CABP2: variants seen among roughly 807,000 people sequenced by gnomAD.
CABP2 encodes the protein calcium-binding protein 2.
In CABP2, 25 loss-of-function variants were observed where a neutral mutation model predicts 28.6. That is an observed-to-expected ratio of 0.87 (90% CI 0.64 to 1.22). CABP2 has a LOEUF of 1.22. CABP2 is among the 50% of genes most tolerant of loss of function. The probability of loss-of-function intolerance (pLI) is 0.00; values close to 1 mark genes in which losing one functional copy is unlikely to be tolerated. For missense variants in CABP2, 310 were observed against 312.2 expected, an observed-to-expected ratio of 0.99 and a Z score of 0.05; for synonymous variants, 138 against 126.0, an observed-to-expected ratio of 1.09 and a Z score of -0.64.
At chr11:67,523,108 C>T (rs1005585326) in intron 1 of CABP2, among the ~76,000 whole-genome samples, 177 bp downstream of exon 1, 7 of 152,070 alleles carry the variant, frequency 4.6e-5, no homozygotes, top group African/African-American at 1.4e-4. Flanking sequence ...ACCCAGAGGT[C>T]GGTGGGAGCC....
intron 4 of CABP2, 92 bp downstream of exon 4, chr11:67,520,933 T>C: frequency 2.2e-6 from 3 of 1,344,626 alleles, no homozygotes; most frequent in Non-Finnish European, 3.1e-6. Context: ...GGACAGCCTG[T>C]GCAGTCACCT....
At chr11:67,519,578 T>A (rs1866710666) in intron 6 of CABP2, among the ~76,000 whole-genome samples, 1 of 152,236 alleles carries the variant, frequency 6.6e-6, no homozygotes, top group Non-Finnish European at 1.5e-5. Flanking sequence ...ACTTGCTTTT[T>A]TGCTAAGTGC....
intron 4 of CABP2, 51 bp downstream of exon 4, chr11:67,520,974 C>T: frequency 6.3e-7 from 1 of 1,591,928 alleles, no homozygotes; most frequent in Non-Finnish European, 8.6e-7. Flanking sequence ...TTCATGGGCC[C>T]AGCGGGGGCA....
chr11:67,522,639 G>C lies in CABP2; in HGVS notation c.120C>G (p.Asp40Glu). ...AGTAGCCCTGGACGCCTGGCGCGGG[G>C]TCCCCCTGCTCCTTGGGGCTGGAGC... ...SPSSSPKEQG[D>E]PAPGVQGYSV... Residue 40 changes from aspartate to glutamate, a missense_variant, in exon 2 of 7, where the codon GAC (aspartate) becomes GAG (glutamate). Transcript: ENST00000294288. The C allele has an allele frequency of 1.3e-6, 2 of 1,547,348 alleles. No individual in the cohort carries two copies. Among genetic ancestry groups the C allele is most frequent in the Non-Finnish European group, 1.7e-6 (2 of 1,145,256 alleles).
chr11:67,522,431 G>T, intron 2 of CABP2, 115 bp downstream of exon 2: 2 of 1,093,384 alleles, frequency 1.8e-6, no homozygotes, highest in Non-Finnish European at 2.7e-6. Flanking sequence ...CTAGCTCCAG[G>T]AGAGGCAAAG....
At chr11:67,522,011 C>T (rs763287401) in intron 2 of CABP2, 29 bp from the exon 3 acceptor site, 94 of 1,605,446 alleles carry the variant, frequency 5.9e-5, no homozygotes, top group Non-Finnish European at 7.8e-5. Flanking sequence ...TTAGGAATTC[C>T]CTGCTCCTAC....
Position 67,519,793 on chromosome 11 carries a change from C to A in CABP2, c.637G>T (p.Glu213Ter). Residue 213 changes from glutamate (E) to a stop codon, truncating the protein, a stop_gained and splice_region_variant, in exon 6 of 7, where the codon GAG becomes TAG. Transcript: ENST00000294288. LOFTEE classifies it high-confidence loss of function. ...LNGDGLVDFE[E>*]FVRMMSR ...TGTTGCTATGTGCGGCAGGGGGTAC[C>A]TTCGAAGTCGACCAGACCGTCCCCA... 3 of 1,613,780 alleles carry A rather than the reference C, an allele frequency of 1.9e-6. No homozygotes were observed. The highest frequency in any genetic ancestry group is 2.5e-6 in the Non-Finnish European group (3 of 1,179,760).
intron 3 of CABP2, among the ~76,000 whole-genome samples, chr11:67,521,556 A>G (rs1866747836): frequency 6.6e-6 from 1 of 152,104 alleles, no homozygotes; most frequent in Admixed American, 6.5e-5. Flanking sequence ...TGGAGAGCAC[A>G]TGCACCATTT....
At chr11:67,520,886 A>C (rs1866737049) in intron 4 of CABP2, 139 bp downstream of exon 4, 2 of 870,238 alleles carry the variant, frequency 2.3e-6, no homozygotes, top group Admixed American at 4.4e-5. Flanking sequence ...AGAGGCAGAG[A>C]GCTTGCCTTG....
At position 67,519,792 on chromosome 11, in the gene CABP2, C is replaced by A. The variant is rs149712664; in HGVS notation, c.637+1G>T. On this transcript the variant is annotated splice_donor_variant, in intron 6 of 6. Transcript: ENST00000294288. LOFTEE classifies it high-confidence loss of function. ...GTGTTGCTATGTGCGGCAGGGGGTA[C>A]CTTCGAAGTCGACCAGACCGTCCCC... 1,616 of 1,613,532 alleles carry A rather than the reference C, an allele frequency of 1.0e-3. 2 individuals carry two copies. The highest frequency in any genetic ancestry group is 1.4e-3 in the South Asian group (124 of 91,068).
At chr11:67,520,188 G>A (rs772881310) in intron 4 of CABP2, 28 bp from the exon 5 acceptor site, 26 of 1,478,444 alleles carry the variant, frequency 1.8e-5, no homozygotes, top group Middle Eastern at 3.4e-4. Flanking sequence ...TACAGACCCA[G>A]GGCATCAGAG....
rs1244509618 is a variant in CABP2, at chr11:67,520,047, G to C, written c.489+4C>G. ...CTGCCCGCCCTCAGCCCCAGTGGCC[G>C]CACCTCCCGGAAGGCGTCCCGTAGC... is the stretch of plus-strand genomic sequence containing the variant. On this transcript the variant is annotated splice_donor_region_variant and intron_variant, in intron 5 of 6. Transcript: ENST00000294288. 13 of 1,610,430 alleles carry C rather than the reference G, an allele frequency of 8.1e-6. No individual in the cohort carries two copies. Among genetic ancestry groups the C allele is most frequent in the Non-Finnish European group, 1.1e-5 (13 of 1,178,884 alleles).
chr11:67,522,149 C>G (rs945924140), intron 2 of CABP2, among the ~76,000 whole-genome samples, 167 bp from the exon 3 acceptor site: 1 of 152,112 alleles, frequency 6.6e-6, no homozygotes, highest in African/African-American at 2.4e-5. Flanking sequence ...TACTCACTGG[C>G]CTGGGTAACC....
chr11:67,520,361 T>C (rs1440864700), intron 4 of CABP2, among the ~76,000 whole-genome samples: 1 of 151,978 alleles, frequency 6.6e-6, no homozygotes, highest in Non-Finnish European at 1.5e-5. Flanking sequence ...GGAAAACCAC[T>C]CTCAAAACTT....
chr11:67,520,833 A>G (rs978702304), intron 4 of CABP2, among the ~76,000 whole-genome samples, 192 bp downstream of exon 4: 1 of 152,242 alleles, frequency 6.6e-6, no homozygotes, highest in Non-Finnish European at 1.5e-5. Flanking sequence ...TGAGGATCAC[A>G]GTCCTTGCTG....
Position 67,523,343 on chromosome 11 carries a change from C to T in CABP2, c.-17G>A, listed in dbSNP as rs757237639. ...GTTCCCCATGGGCCCTGAACCATGC[C>T]AGGCCTGGAACCCCGGGGGTGGCCC... is the stretch of plus-strand genomic sequence containing the variant. On this transcript the variant is annotated 5_prime_UTR_variant, in exon 1 of 7. Transcript: ENST00000294288. The T allele has an allele frequency of 2.9e-5, 45 of 1,547,264 alleles. No individual in the cohort carries two copies. In the South Asian group the frequency reaches 5.1e-4, roughly 18 times the overall value.
At chr11:67,522,264 C>A (rs1474180578) in intron 2 of CABP2, among the ~76,000 whole-genome samples, 1 of 152,130 alleles carries the variant, frequency 6.6e-6, no homozygotes, top group Non-Finnish European at 1.5e-5. Context: ...GGTGGTGGAT[C>A]TGGGGTTTGG....
At chr11:67,519,973 T>C in intron 5 of CABP2, 33 bp from the exon 6 acceptor site, 2 of 1,599,396 alleles carry the variant, frequency 1.3e-6, no homozygotes, top group Non-Finnish European at 1.7e-6. Context: ...GTCTGGTCAC[T>C]GACAGTCATT....
intron 1 of CABP2, among the ~76,000 whole-genome samples, chr11:67,523,028 G>C (rs1386514875): frequency 6.6e-6 from 1 of 152,240 alleles, no homozygotes; most frequent in Admixed American, 6.5e-5. Context: ...GGCTAGCAGA[G>C]AGCGGGGACC....
Sources: gnomAD v4.1 joint callset for allele counts (sites outside exome capture counted in the v4.1 genomes callset) on GRCh38, gnomAD v4.1.1 for gene constraint, MANE v1.5 for transcripts, NCBI Gene and HGNC (gene_info 2026-07-23, HGNC 2026-07-21) for gene names.